CEP72: variants seen among roughly 807,000 people sequenced by gnomAD.
The protein encoded by CEP72 is centrosomal protein 72.
A neutral mutation model predicts 65.7 loss-of-function variants in CEP72; 78 were observed. The ratio of observed to expected loss-of-function variants is 1.19; its 90% CI spans 0.99 to 1.43. The LOEUF is 1.43. Among genes scored for constraint, CEP72 ranks in the 40% most tolerant of loss-of-function variants. The probability of loss-of-function intolerance (pLI) is 0.00; values close to 1 mark genes in which losing one functional copy is unlikely to be tolerated. For missense variants in CEP72, 914 were observed against 832.9 expected (o/e 1.10, Z -1.20); for synonymous variants, 358 against 351.7 (o/e 1.02, Z -0.20).
In CEP72 at chr5:623,887, C is replaced by T. The variant is rs775810766; in HGVS notation, c.404-584C>T. Among the ~76,000 whole-genome samples the T allele has an allele frequency of 1.3e-5, 2 of 152,114 alleles. No homozygotes were observed. The highest frequency in any genetic ancestry group is 2.9e-5 in the Non-Finnish European group (2 of 68,018). On this transcript the variant is annotated intron_variant, in intron 3 of 11. Coordinates refer to ENST00000264935, the MANE Select transcript of CEP72 (RefSeq NM_018140.4). The surrounding 1 kb of genome is among the most constrained non-coding windows in gnomAD (Gnocchi z 5.3). ...CGTGCTGTAGGCTAAATGGAGGCAGCGTGGGAACTTGTCACAGAATTCACA... is the reference window on the plus strand; with the variant it reads ...CGTGCTGTAGGCTAAATGGAGGCAGTGTGGGAACTTGTCACAGAATTCACA...
intron 4 of CEP72, among the ~76,000 whole-genome samples, chr5:632,210 G>A (rs1737243330): frequency 2.8e-5 from 2 of 70,258 alleles, no homozygotes; most frequent in African/African-American, 5.6e-5. Flanking sequence ...GTGGGGTTCT[G>A]TCCAGTGTCG....
At chr5:638,135 G>A (rs144463459) in intron 7 of CEP72, among the ~76,000 whole-genome samples, 83 of 152,276 alleles carry the variant, frequency 5.5e-4, no homozygotes, top group African/African-American at 1.7e-3. Flanking sequence ...TGTGCCACAC[G>A]CTGTCCTGCG....
downstream of CEP72, among the ~76,000 whole-genome samples, chr5:668,049 G>A (rs1328883369): frequency 2.5e-4 from 9 of 35,488 alleles, 4 homozygotes; most frequent in East Asian, 8.9e-3. Context: ...TGTGGGCGCC[G>A]TCAGGGAAGT....
Position 653,011 on chromosome 5 carries a change from A to G in CEP72, c.1802A>G (p.His601Arg). ...AGCTCCCTGGTCAGCACCAATGAAC[A>G]CCTGCTGCAGGAGCTGAGCCAGGTG... ...SHSSLVSTNE[H>R]LLQELSQVRA... The change falls in exon 12 of 12, where the codon CAC (histidine) becomes CGC (arginine). Residue 601 changes from histidine to arginine, a missense_variant. Coordinates refer to ENST00000264935, the MANE Select transcript of CEP72 (RefSeq NM_018140.4). 6.2e-7 allele frequency: 1 copy of G among 1,612,812 alleles called. No homozygotes were observed. Among genetic ancestry groups the G allele is most frequent in the Non-Finnish European group, 8.5e-7 (1 of 1,179,530 alleles).
chr5:662,270 G>A (rs1384501116), intron 1 of CEP72: 1 of 152,724 alleles, frequency 6.5e-6, no homozygotes, highest in African/African-American at 2.4e-5. Context: ...TGCTCCCTGC[G>A]AGGTCGGGTG....
chr5:639,750 G>A (rs1049319378), intron 8 of CEP72, among the ~76,000 whole-genome samples: 1 of 152,214 alleles, frequency 6.6e-6, no homozygotes, highest in Non-Finnish European at 1.5e-5. Context: ...TGGGAGACCA[G>A]GAGATGCCGC....
chr5:654,758 G>A (rs1264809950), downstream of CEP72, among the ~76,000 whole-genome samples: 1 of 152,154 alleles, frequency 6.6e-6, no homozygotes, highest in African/African-American at 2.4e-5. Context: ...TCTTGGACCT[G>A]TGAGTTCATA....
intron 4 of CEP72, among the ~76,000 whole-genome samples, chr5:633,388 T>TG (rs397950634): frequency 9.5e-6 from 1 of 105,696 alleles, no homozygotes. Flanking sequence ...TGTCCAGTGC[T>TG]GGATTTGACC....
chr5:629,319 G>A (rs185869163), intron 4 of CEP72, among the ~76,000 whole-genome samples: 58 of 152,386 alleles, frequency 3.8e-4, no homozygotes, highest in Admixed American at 3.7e-3. Context: ...GTATCTCCTT[G>A]TGGATGTGCT....
intron 11 of CEP72, among the ~76,000 whole-genome samples, chr5:649,080 G>C (rs1738694026): frequency 1.4e-5 from 2 of 142,520 alleles, no homozygotes; most frequent in African/African-American, 2.9e-5. Context: ...TGTGAGGTGT[G>C]ACTGTGAGGT....
intron 6 of CEP72, among the ~76,000 whole-genome samples, chr5:636,381 C>T (rs1175650146): frequency 2.0e-5 from 3 of 152,202 alleles, no homozygotes; most frequent in Non-Finnish European, 2.9e-5. Flanking sequence ...CACTAATGCA[C>T]ACACACTTTT....
chr5:649,035 G>A (rs1230222382), intron 11 of CEP72, among the ~76,000 whole-genome samples: 1 of 150,178 alleles, frequency 6.7e-6, no homozygotes, highest in Non-Finnish European at 1.5e-5. Flanking sequence ...CTGAGTGTGA[G>A]GTGTGACTGT....
At chr5:637,222 C>T (rs541509240) in intron 6 of CEP72, among the ~76,000 whole-genome samples, 2 of 152,322 alleles carry the variant, frequency 1.3e-5, no homozygotes, top group East Asian at 1.9e-4. Context: ...GGTGAACACG[C>T]GAAGCTGGGC....
At chr5:662,581 G>C (rs1205782966) in intron 1 of CEP72, 1 of 152,534 alleles carries the variant, frequency 6.6e-6, no homozygotes. Context: ...AGTCATGTTC[G>C]TTCTGCGTGG....
downstream of CEP72, among the ~76,000 whole-genome samples, chr5:654,973 G>A (rs1580052443): frequency 1.3e-5 from 2 of 152,106 alleles, no homozygotes; most frequent in African/African-American, 2.4e-5. Context: ...GTCCTGTTGC[G>A]AGGCTTACTA....
At chr5:620,953 C>T (rs1301883136) in intron 3 of CEP72, among the ~76,000 whole-genome samples, 4 of 152,176 alleles carry the variant, frequency 2.6e-5, no homozygotes, top group Admixed American at 1.3e-4. Flanking sequence ...GACCCTACCC[C>T]GAGTCACAGA....
At chr5:643,572 A>G (rs1477780547) in intron 9 of CEP72, 1 of 984,962 alleles carries the variant, frequency 1.0e-6, no homozygotes, top group Non-Finnish European at 1.2e-6. Flanking sequence ...TGCTGCACAG[A>G]CTCAGGCGCT....
chr5:632,883 G>C (rs1202618288), intron 4 of CEP72, among the ~76,000 whole-genome samples: 1 of 99,278 alleles, frequency 1.0e-5, no homozygotes, highest in Non-Finnish European at 2.0e-5. Flanking sequence ...GTCCAGTGCC[G>C]GGATTTGGAC....
At chr5:640,879 T>C (rs969573384) in intron 9 of CEP72, 1 of 985,318 alleles carries the variant, frequency 1.0e-6, no homozygotes. Flanking sequence ...TGCCGGGTGC[T>C]GCAGGAGCCA....
Sources: allele counts gnomAD v4.1 joint callset (sites outside exome capture counted in the v4.1 genomes callset), GRCh38; gene constraint gnomAD v4.1.1; non-coding constraint Gnocchi (gnomAD v3.1); transcripts MANE v1.5; gene names NCBI Gene and HGNC (gene_info 2026-07-23, HGNC 2026-07-21).